The following CSMD2 variants were observed in gnomAD, a reference collection of about 807,000 sequenced individuals.
The protein encoded by CSMD2 is CUB and Sushi multiple domains 2.
Under a neutral mutation model 398.5 loss-of-function variants are expected in CSMD2, and 130 were observed. The observed-to-expected ratio is 0.33, with a 90% CI of 0.28 to 0.38. The LOEUF is 0.38. Ranked by LOEUF, CSMD2 falls within the 10% of genes least tolerant of loss-of-function variation. The pLI, the probability that CSMD2 is intolerant of heterozygous loss-of-function variation, is 1.00. For missense variants in CSMD2, 3,829 were observed against 4,764.9 expected, an observed-to-expected ratio of 0.80 and a Z score of 5.78; for synonymous variants, 1,828 against 1,908.5, an observed-to-expected ratio of 0.96 and a Z score of 1.10.
chr1:33,788,661 C>G lies in CSMD2; in HGVS notation c.1602G>C (p.Met534Ile). 1.2e-6 allele frequency: 2 copies of G among 1,614,068 alleles called. No homozygotes were observed. The highest frequency in any genetic ancestry group is 1.7e-6 in the Non-Finnish European group (2 of 1,179,950). ...TGCCATCAGTCTGGAAGAGGAGCCACATTTGATGATTGGTGCTGACAATGA... is the reference window on the plus strand; with the variant it reads ...TGCCATCAGTCTGGAAGAGGAGCCAGATTTGATGATTGGTGCTGACAATGA... ...PDLIVSTNHQ[M>I]WLLFQTDGSG... The change falls in exon 12 of 71, where the codon ATG (methionine) becomes ATC (isoleucine). Residue 534 changes from methionine to isoleucine, a missense_variant. Transcript: ENST00000373381.
chr1:33,647,179 C>T (rs1643498827), intron 28 of CSMD2, among the ~76,000 whole-genome samples: 1 of 152,186 alleles, frequency 6.6e-6, no homozygotes, highest in Non-Finnish European at 1.5e-5. Context: ...CAAAACCCAA[C>T]TCTCTTACCT....
intron 5 of CSMD2, among the ~76,000 whole-genome samples, chr1:33,879,714 T>C (rs1641100405): frequency 6.6e-6 from 1 of 152,190 alleles, no homozygotes; most frequent in Admixed American, 6.5e-5. Flanking sequence ...AGAACTGGCT[T>C]TGAATGCTGT....
intron 1 of CSMD2, among the ~76,000 whole-genome samples, chr1:34,148,889 C>A (rs372842201): frequency 1.3e-5 from 2 of 152,116 alleles, no homozygotes; most frequent in East Asian, 3.9e-4. Context: ...CAGTAGGTGG[C>A]GGATGGGGTC....
chr1:34,067,503 G>A (rs1655247107), intron 2 of CSMD2, among the ~76,000 whole-genome samples: 1 of 152,112 alleles, frequency 6.6e-6, no homozygotes, highest in African/African-American at 2.4e-5. Flanking sequence ...CCATTCTAGG[G>A]AGCCAGGAGC....
At chr1:33,644,459 T>C (rs922113971) in intron 29 of CSMD2, among the ~76,000 whole-genome samples, 1 of 152,028 alleles carries the variant, frequency 6.6e-6, no homozygotes, top group African/African-American at 2.4e-5. Context: ...AAGAACTCAG[T>C]TGGGTCAAGT....
chr1:33,617,442 G>A, intron 38 of CSMD2, 57 bp downstream of exon 38: 5 of 1,362,706 alleles, frequency 3.7e-6, no homozygotes, highest in Non-Finnish European at 5.3e-6. Context: ...GTGTAAGGCT[G>A]GCCAACCACA....
At chr1:34,028,900 G>A (rs974304979) in intron 3 of CSMD2, among the ~76,000 whole-genome samples, 5 of 152,096 alleles carry the variant, frequency 3.3e-5, no homozygotes, top group Non-Finnish European at 5.9e-5. Context: ...TTTTCCTTGC[G>A]GCGGCAGCAG....
At chr1:34,040,597 G>A (rs566014213) in intron 2 of CSMD2, among the ~76,000 whole-genome samples, 1 of 152,282 alleles carries the variant, frequency 6.6e-6, no homozygotes, top group Admixed American at 6.5e-5. Flanking sequence ...CCAACTATTT[G>A]GTGTTTCGAG....
upstream of CSMD2, chr1:34,165,416 A>T: frequency 7.4e-6 from 5 of 677,280 alleles, no homozygotes; most frequent in Non-Finnish European, 1.1e-5. Flanking sequence ...AGGATAAAAT[A>T]TTGGGGGGCG....
chr1:34,090,546 C>A (rs983196208), intron 1 of CSMD2, among the ~76,000 whole-genome samples: 1 of 151,742 alleles, frequency 6.6e-6, no homozygotes. Flanking sequence ...CTGTTGCCTA[C>A]CCCCCAACTC....
Position 33,567,681 on chromosome 1 carries a change from T to C in CSMD2, c.8292A>G (p.Gln2764=), listed in dbSNP as rs746359769. ...CGATCAGGCGGAAGCCAGCATTGCA[T>C]TGGTACACCACACTGCCCCGGTAGC... ...NYSYRGSVVY[Q]CNAGFRLIGM... is the part of the protein sequence containing the mutation. Residue 2764 remains glutamine, a synonymous_variant, in exon 53 of 71, where the codon CAA becomes CAG. Coordinates refer to ENST00000373381, the MANE Select transcript of CSMD2 (RefSeq NM_001281956.2). 7.4e-6 allele frequency: 12 copies of C among 1,613,958 alleles called. No homozygotes were observed. Among genetic ancestry groups the C allele is most frequent in the Admixed American group, 3.3e-5 (2 of 59,998 alleles).
chr1:33,724,757 G>A, intron 17 of CSMD2, 53 bp from the exon 18 acceptor site: 3 of 1,505,060 alleles, frequency 2.0e-6, no homozygotes, highest in Non-Finnish European at 2.7e-6. Context: ...ACTACAGAGG[G>A]ACCCCAGTTG....
intron 62 of CSMD2, among the ~76,000 whole-genome samples, chr1:33,535,348 C>T (rs1655666363): frequency 6.6e-6 from 1 of 152,196 alleles, no homozygotes; most frequent in African/African-American, 2.4e-5. Context: ...TGTTAAAAAA[C>T]AATCCTATCA....
In CSMD2 at chr1:33,611,216, C is replaced by T. The variant is rs780600886; in HGVS notation, c.6168G>A (p.Glu2056=). The T allele has an allele frequency of 1.9e-6, 3 of 1,614,028 alleles. No individual in the cohort carries two copies. Among genetic ancestry groups the T allele is most frequent in the South Asian group, 2.2e-5 (2 of 91,034 alleles). Residue 2056 remains glutamate (E), a synonymous_variant, in exon 41 of 71, where the codon GAG becomes GAA. Coordinates refer to ENST00000373381, the MANE Select transcript of CSMD2 (RefSeq NM_001281956.2). ...AHIQFLNFST[E]PNHDYIEIRN... ...GGATTTCTATGTAGTCGTGGTTGGGCTCGGTGGAGAAGTTCAGGAACTGGA... is the reference window on the plus strand; with the variant it reads ...GGATTTCTATGTAGTCGTGGTTGGGTTCGGTGGAGAAGTTCAGGAACTGGA...
At position 33,958,091 on chromosome 1, in the gene CSMD2, G is replaced by A. The variant is rs553582708; in HGVS notation, c.518-22137C>T. Among the ~76,000 whole-genome samples the A allele has an allele frequency of 2.3e-3, 351 of 152,198 alleles. 1 individual carries two copies. Among genetic ancestry groups the A allele is most frequent in the African/African-American group, 7.8e-3 (324 of 41,534 alleles). On this transcript the variant is annotated intron_variant, in intron 3 of 70. Transcript: ENST00000373381. Reference sequence around the variant, plus strand: ...GCAACGCTTTATGAAACAGCAAGGCGAACTTTGGTAGGCTCGCTCCCACCC... The same window carrying A: ...GCAACGCTTTATGAAACAGCAAGGCAAACTTTGGTAGGCTCGCTCCCACCC...
At chr1:34,145,752 C>T (rs949779987) in intron 1 of CSMD2, among the ~76,000 whole-genome samples, 3 of 152,156 alleles carry the variant, frequency 2.0e-5, no homozygotes, top group African/African-American at 7.2e-5. Context: ...CCATGGCAGT[C>T]TCAGCACACA....
intron 62 of CSMD2, among the ~76,000 whole-genome samples, chr1:33,536,039 T>C (rs1170966880): frequency 1.6e-4 from 24 of 152,174 alleles, no homozygotes. Flanking sequence ...TCCCACTGTA[T>C]TCCTAGCTCC....
intron 24 of CSMD2, among the ~76,000 whole-genome samples, chr1:33,694,691 C>G (rs941519820): frequency 5.9e-5 from 9 of 152,290 alleles, no homozygotes; most frequent in Non-Finnish European, 1.3e-4. Context: ...TACAAATTAC[C>G]TAGTCTCAGG....
intron 5 of CSMD2, chr1:33,864,297 G>T: frequency 6.2e-6 from 10 of 1,613,650 alleles, no homozygotes; most frequent in Non-Finnish European, 8.5e-6. Flanking sequence ...AAATACCTAT[G>T]TTGGCTTTAA....
Sources: gnomAD v4.1 joint callset for allele counts (sites outside exome capture counted in the v4.1 genomes callset) on GRCh38, gnomAD v4.1.1 for gene constraint, MANE v1.5 for transcripts, NCBI Gene and HGNC (gene_info 2026-07-23, HGNC 2026-07-21) for gene names.